The following CTNNA3 variants were observed in gnomAD, a reference collection of about 807,000 sequenced individuals.
CTNNA3 encodes the protein catenin alpha 3, also known as catenin alpha-3.
A neutral mutation model predicts 95.7 loss-of-function variants in CTNNA3; 76 were observed. The ratio of observed to expected loss-of-function variants is 0.79; its 90% CI spans 0.66 to 0.96. The LOEUF is 0.96. Ranked by LOEUF, CTNNA3 falls within the 40% of genes least tolerant of loss-of-function variation. The probability of loss-of-function intolerance (pLI) is 0.00; values close to 1 mark genes in which losing one functional copy is unlikely to be tolerated. For synonymous variants in CTNNA3, 431 were observed against 374.4 expected, an observed-to-expected ratio of 1.15 and a Z score of -1.74; for missense variants, 1,191 against 1,089.8, an observed-to-expected ratio of 1.09 and a Z score of -1.31.
rs143733145 is a variant in CTNNA3, at chr10:67,663,804, T to C, written c.-5-16286A>G. Among the ~76,000 whole-genome samples the C allele has an allele frequency of 3.7e-3, 571 of 152,316 alleles. 3 individuals are homozygous for C. The highest frequency in any genetic ancestry group is 0.013 in the African/African-American group (548 of 41,536). On this transcript the variant is annotated intron_variant, in intron 1 of 17. Transcript: ENST00000433211. Reference sequence around the variant, plus strand: ...AAATTTTAACTACTACCCTCTTGTCTTTTTTCAATTCTGCTCTCTGACAGC... The same window carrying C: ...AAATTTTAACTACTACCCTCTTGTCCTTTTTCAATTCTGCTCTCTGACAGC...
intron 7 of CTNNA3, among the ~76,000 whole-genome samples, chr10:66,922,391 C>T (rs959506325): frequency 6.6e-6 from 1 of 152,144 alleles, no homozygotes; most frequent in African/African-American, 2.4e-5. Flanking sequence ...TTACTAAAAT[C>T]TTTTAGAACA....
chr10:66,316,260 G>A (rs2092098499), intron 12 of CTNNA3, among the ~76,000 whole-genome samples: 1 of 152,040 alleles, frequency 6.6e-6, no homozygotes, highest in Non-Finnish European at 1.5e-5. Flanking sequence ...TCGCAAAAGT[G>A]AAAATTGTAA....
intron 3 of CTNNA3, among the ~76,000 whole-genome samples, chr10:67,574,018 C>T (rs1273519978): frequency 6.6e-6 from 1 of 152,116 alleles, no homozygotes; most frequent in South Asian, 2.1e-4. Flanking sequence ...TGATAATTTT[C>T]CAGGAGTTGA....
At chr10:67,225,289 C>A (rs535806056) in intron 5 of CTNNA3, among the ~76,000 whole-genome samples, 1 of 152,294 alleles carries the variant, frequency 6.6e-6, no homozygotes, top group African/African-American at 2.4e-5. Context: ...TCCCTATCCA[C>A]CCTGGTAGCT....
chr10:66,565,170 C>G (rs1440057645), intron 10 of CTNNA3, among the ~76,000 whole-genome samples: 1 of 152,124 alleles, frequency 6.6e-6, no homozygotes. Context: ...TATTTATTAT[C>G]TAAAGCCAAT....
intron 14 of CTNNA3, among the ~76,000 whole-genome samples, chr10:66,081,716 A>G (rs879727830): frequency 1.3e-5 from 2 of 152,204 alleles, no homozygotes; most frequent in African/African-American, 2.4e-5. Context: ...GTAGAAAATC[A>G]TGGGTTAGGC....
intron 7 of CTNNA3, among the ~76,000 whole-genome samples, chr10:67,092,163 G>A (rs1482064168): frequency 6.6e-6 from 1 of 151,852 alleles, no homozygotes; most frequent in East Asian, 1.9e-4. Flanking sequence ...GATCAAAAAT[G>A]ATATTTACAA....
At chr10:66,754,800 T>G (rs530801870) in intron 9 of CTNNA3, among the ~76,000 whole-genome samples, 1 of 152,066 alleles carries the variant, frequency 6.6e-6, no homozygotes, top group African/African-American at 2.4e-5. Flanking sequence ...CAAAGGCAAA[T>G]AGTAACAACT....
chr10:67,005,591 C>T (rs1275691761), intron 7 of CTNNA3, among the ~76,000 whole-genome samples: 2 of 147,400 alleles, frequency 1.4e-5, no homozygotes, highest in African/African-American at 2.5e-5. Flanking sequence ...TCTGATGAAT[C>T]GGAAAAAAAG....
intron 1 of CTNNA3, chr10:67,750,915 C>T: frequency 6.2e-7 from 1 of 1,610,100 alleles, no homozygotes; most frequent in Non-Finnish European, 8.5e-7. Context: ...TGGCCTACAG[C>T]CCCCTAGGCT....
intron 11 of CTNNA3, among the ~76,000 whole-genome samples, chr10:66,410,880 A>G (rs1044740493): frequency 6.6e-6 from 1 of 152,162 alleles, no homozygotes; most frequent in African/African-American, 2.4e-5. Flanking sequence ...AACTTACACC[A>G]TTAGCAAGCA....
At chr10:67,568,390 TG>T (rs1402835400) in intron 3 of CTNNA3, among the ~76,000 whole-genome samples, 1 of 151,964 alleles carries the variant, frequency 6.6e-6, no homozygotes, top group Admixed American at 6.6e-5. Context: ...AAACAACAAA[TG>T]GCATTATAGA....
intron 11 of CTNNA3, among the ~76,000 whole-genome samples, chr10:66,461,092 TA>T (rs2093526071): frequency 6.6e-6 from 1 of 152,140 alleles, no homozygotes. Context: ...TATAGTCTGG[TA>T]AAAACTGGTC....
chr10:66,679,987 A>G (rs1178023309), intron 9 of CTNNA3, among the ~76,000 whole-genome samples: 3 of 152,106 alleles, frequency 2.0e-5, no homozygotes, highest in East Asian at 1.9e-4. Flanking sequence ...AGCATTCACC[A>G]TATTAATGGT....
At chr10:66,892,155 C>T (rs12242171) in intron 7 of CTNNA3, among the ~76,000 whole-genome samples, 2 of 151,924 alleles carry the variant, frequency 1.3e-5, no homozygotes, top group East Asian at 3.9e-4. Flanking sequence ...AGCTGAGAAC[C>T]CCTATATAAG....
At chr10:67,747,696 C>T (rs138553433) in intron 1 of CTNNA3, among the ~76,000 whole-genome samples, 1,829 of 152,294 alleles carry the variant, frequency 0.012, 40 homozygotes, top group African/African-American at 0.041. Context: ...GCCAGAGTGC[C>T]TCTTCTCCTC....
chr10:67,687,576 T>C (rs1840757974), intron 1 of CTNNA3, among the ~76,000 whole-genome samples: 1 of 152,178 alleles, frequency 6.6e-6, no homozygotes, highest in African/African-American at 2.4e-5. Context: ...GTCCCTATTA[T>C]AGAACACCGA....
At position 67,535,458 on chromosome 10, in the gene CTNNA3, A is replaced by G. The variant is rs1394730329; in HGVS notation, c.459+4045T>C. Among the ~76,000 whole-genome samples the G allele has an allele frequency of 2.1e-5, 3 of 144,628 alleles. No individual in the cohort carries two copies. The East Asian group carries it at 5.8e-4, about 28-fold the overall frequency. The allele number at this position is 144,628 out of a possible 152,430, so 94.9% of individuals were successfully genotyped here. On this transcript the variant is annotated intron_variant, in intron 4 of 17. Transcript: ENST00000433211. ...GAATATAAATGTAACTTCTACCTTTACATAATTAAAAAAAAGACTAGTATC... is the reference window on the plus strand; with the variant it reads ...GAATATAAATGTAACTTCTACCTTTGCATAATTAAAAAAAAGACTAGTATC...
chr10:66,352,682 C>T (rs1191343800), intron 12 of CTNNA3, among the ~76,000 whole-genome samples: 1 of 152,094 alleles, frequency 6.6e-6, no homozygotes, highest in South Asian at 2.1e-4. Flanking sequence ...CTTAAGGTGC[C>T]ATTGAGTTGT....
Sources: gnomAD v4.1 joint callset for allele counts (sites outside exome capture counted in the v4.1 genomes callset) on GRCh38, gnomAD v4.1.1 for gene constraint, MANE v1.5 for transcripts, NCBI Gene and HGNC (gene_info 2026-07-23, HGNC 2026-07-21) for gene names.